The following EMC1 variants were observed in gnomAD, a reference collection of about 807,000 sequenced individuals.
EMC1 encodes the protein ER membrane protein complex subunit 1.
In EMC1, 103 loss-of-function variants were observed where a neutral mutation model predicts 128.8. The observed-to-expected ratio is 0.80, with a 90% confidence interval of 0.68 to 0.94. EMC1 has a LOEUF of 0.94. EMC1 is among the 40% of genes least tolerant of loss of function. The pLI is 0.00. For missense variants in EMC1, 1,083 were observed against 1,250.6 expected (o/e 0.87, Z 2.02); for synonymous variants, 442 against 490.4 (o/e 0.90, Z 1.30).
At chr1:19,236,738 C>A (rs1166588486) in intron 12 of EMC1, among the ~76,000 whole-genome samples, 1 of 151,096 alleles carries the variant, frequency 6.6e-6, no homozygotes, top group Admixed American at 6.6e-5. Flanking sequence ...GAGGCCGAGG[C>A]AGGCGGATCA....
Position 19,232,718 on chromosome 1 carries a change from T to C in EMC1, c.1688A>G (p.Asn563Ser), listed in dbSNP as rs2093533035. Reference sequence around the variant, plus strand: ...TTTAAAGGAGGAGTCTGGCTTGACATTGGGTAGATACTGTTTCCACAGGAT... The same window carrying C: ...TTTAAAGGAGGAGTCTGGCTTGACACTGGGTAGATACTGTTTCCACAGGAT... Reference protein sequence around the residue: ...GTILWKQYLPNVKPDSSFKLM... With the variant: ...GTILWKQYLPSVKPDSSFKLM... The change falls in exon 15 of 23, where the codon AAT becomes AGT. Residue 563 changes from asparagine to serine, a missense_variant. Asn to Ser is a conservative substitution (Grantham distance 46). Coordinates refer to ENST00000477853, the MANE Select transcript of EMC1 (RefSeq NM_015047.3). 2 of 1,614,050 alleles carry C rather than the reference T, an allele frequency of 1.2e-6. No individual in the cohort carries two copies. The highest frequency in any genetic ancestry group is 1.6e-4 in the Middle Eastern group (1 of 6,062).
intron 21 of EMC1, 125 bp downstream of exon 21, chr1:19,220,639 G>T (rs748553051): frequency 1.6e-4 from 101 of 643,652 alleles, no homozygotes; most frequent in Admixed American, 5.0e-4. Flanking sequence ...TTTCAGACTT[G>T]CCCCCTGCTA....
rs925484857 is a variant in EMC1, at chr1:19,223,393, TA to T, written c.2376+2del. 15 of 1,613,072 alleles carry T rather than the reference TA, an allele frequency of 9.3e-6. No homozygotes were observed. The highest frequency in any genetic ancestry group is 1.3e-5 in the Non-Finnish European group (15 of 1,179,126). ...CCTTGGGTCCCTGGTAGTGACCGCT[TA>T]CCACCACCCAGTTCTCTGAATGCAC... On this transcript the variant is annotated splice_donor_variant, in intron 19 of 22. Transcript: ENST00000477853. LOFTEE classifies it high-confidence loss of function.
Position 19,222,813 on chromosome 1 carries a change from C to A in EMC1, c.2398G>T (p.Ala800Ser), listed in dbSNP as rs1373498280. ...AGTACGGTAAACTCGTTGCGCCGAGCCTTGGTGTTCCAGTACTGGTACTGC... is the reference window on the plus strand; with the variant it reads ...AGTACGGTAAACTCGTTGCGCCGAGACTTGGTGTTCCAGTACTGGTACTGC... ...WVVYQYWNTK[A>S]RRNEFTVLEL... The change falls in exon 20 of 23, where the codon GCT (alanine) becomes TCT (serine). Residue 800 changes from alanine (A) to serine (S), a missense_variant. Around this residue, in one of 3 missense-constraint regions of EMC1, gnomAD observed 527 missense variants for 644.1 expected, o/e 0.82. Transcript: ENST00000477853. The A allele has an allele frequency of 6.2e-7, 1 of 1,611,682 alleles. No homozygotes were observed. The highest frequency in any genetic ancestry group is 2.2e-5 in the East Asian group (1 of 44,818).
At chr1:19,242,796 G>A (rs577871500) in intron 4 of EMC1, among the ~76,000 whole-genome samples, 44 of 152,290 alleles carry the variant, frequency 2.9e-4, no homozygotes, top group Admixed American at 1.7e-3. Context: ...TGTGCTACCT[G>A]CCTGCCTCCC....
In EMC1 at chr1:19,234,729, C is replaced by G. The variant is rs147685467; in HGVS notation, c.1432+401G>C. ...GGCATGGTGGCGCATGCCTGTAATC[C>G]CAGCTACTCAGGAGGCTGAGGCAGG... is the stretch of plus-strand genomic sequence containing the variant. On this transcript the variant is annotated intron_variant, in intron 13 of 22. Transcript: ENST00000477853. Among the ~76,000 whole-genome samples the G allele has an allele frequency of 2.6e-5, 4 of 152,162 alleles. No homozygotes were observed. In the East Asian group the frequency reaches 7.7e-4, roughly 29 times the overall value.
At chr1:19,246,600 T>C (rs1039619738) in intron 1 of EMC1, among the ~76,000 whole-genome samples, 9 of 151,774 alleles carry the variant, frequency 5.9e-5, no homozygotes, top group Admixed American at 5.9e-4. Flanking sequence ...CTGGCCAACA[T>C]GGTAAAACTC....
intron 17 of EMC1, among the ~76,000 whole-genome samples, chr1:19,229,054 T>A (rs1251491587): frequency 2.0e-5 from 3 of 151,736 alleles, no homozygotes; most frequent in African/African-American, 7.3e-5. Context: ...TAAAAAAAAA[T>A]AAATAAAGTA....
chr1:19,241,608 G>A (rs1000950226), intron 5 of EMC1, among the ~76,000 whole-genome samples: 4 of 151,996 alleles, frequency 2.6e-5, no homozygotes, highest in Admixed American at 6.6e-5. Flanking sequence ...TCTACCTCCC[G>A]AGGCTCAGGT....
intron 18 of EMC1, among the ~76,000 whole-genome samples, chr1:19,226,100 A>G (rs146639191): frequency 6.6e-6 from 1 of 152,150 alleles, no homozygotes; most frequent in Non-Finnish European, 1.5e-5. Context: ...CGTGATCTCT[A>G]TTCTATGACA....
chr1:19,226,591 G>A (rs2093475437), intron 18 of EMC1, among the ~76,000 whole-genome samples: 1 of 152,058 alleles, frequency 6.6e-6, no homozygotes, highest in Non-Finnish European at 1.5e-5. Context: ...GTCTCACTCT[G>A]TCACCCAGGC....
rs376686021 is a variant in EMC1, at chr1:19,238,827, T to C, written c.1057A>G (p.Met353Val). 6 of 1,612,010 alleles carry C rather than the reference T, an allele frequency of 3.7e-6. No individual in the cohort carries two copies. Among genetic ancestry groups the C allele is most frequent in the Non-Finnish European group, 4.2e-6 (5 of 1,178,166 alleles). Residue 353 changes from methionine (M) to valine (V), a missense_variant, in exon 10 of 23, where the codon ATG (methionine) becomes GTG (valine). Around this residue, in one of 3 missense-constraint regions of EMC1, gnomAD observed 544 missense variants for 572.4 expected, o/e 0.95. Transcript: ENST00000477853. ...QKSSSSEDGS[M>V]GSFSEKSSSK... is the part of the protein sequence containing the mutation. The stretch of plus-strand genomic sequence containing the variant: ...CTAGACTTCTCCGAAAAGCTCCCCA[T>C]TGACCCATCTTCAGAACTGCTACTT...
chr1:19,221,706 T>C (rs1238981679), intron 20 of EMC1: 2 of 151,374 alleles, frequency 1.3e-5, no homozygotes. Flanking sequence ...ACATCTTCGG[T>C]AAAATCAACT....
In EMC1 at chr1:19,235,207, A is replaced by G. The variant is rs2151952199; in HGVS notation, c.1355T>C (p.Val452Ala). 3 of 1,613,782 alleles carry G rather than the reference A, an allele frequency of 1.9e-6. No individual in the cohort carries two copies. The highest frequency in any genetic ancestry group is 2.5e-6 in the Non-Finnish European group (3 of 1,179,834). The change falls in exon 13 of 23, where the codon GTG becomes GCG. Residue 452 changes from valine to alanine, a missense_variant. This residue lies in a region of EMC1 where 544 missense variants were observed against 572.4 expected (regional missense o/e 0.95). Coordinates refer to ENST00000477853, the MANE Select transcript of EMC1 (RefSeq NM_015047.3). ...GAGGTCCACCATCTCTAGGCACACC[A>G]CTTCTGCCAGGGACTCCTCACGGCT... ...LWSREESLAE[V>A]VCLEMVDLPL...
rs1375607890 is a variant in EMC1 at position 19,223,411 on chromosome 1, T to C, written c.2361A>G (p.Ser787=). The C allele has an allele frequency of 1.2e-6, 2 of 1,614,120 alleles. No homozygotes were observed. Among genetic ancestry groups the C allele is most frequent in the Admixed American group, 1.7e-5 (1 of 60,000 alleles). ...KAKGPVHIVH[S]ENWVVYQYWN... is the part of the protein sequence containing the mutation. The stretch of plus-strand genomic sequence containing the variant: ...GACCGCTTACCACCACCCAGTTCTC[T>C]GAATGCACGATATGGACAGGGCCTT... Residue 787 remains serine, a synonymous_variant, in exon 19 of 23, where the codon TCA becomes TCG. Transcript: ENST00000477853.
intron 12 of EMC1, among the ~76,000 whole-genome samples, 175 bp downstream of exon 12, chr1:19,236,967 C>CAAAAAAAAA (rs35897979): frequency 1.7e-5 from 1 of 58,360 alleles, no homozygotes; most frequent in Non-Finnish European, 3.2e-5. Flanking sequence ...GACTCTATCT[C>CAAAAAAAAA]AAAAAAAAAA....
intron 18 of EMC1, among the ~76,000 whole-genome samples, chr1:19,224,988 C>T (rs750478021): frequency 6.6e-6 from 1 of 152,230 alleles, no homozygotes; most frequent in Non-Finnish European, 1.5e-5. Context: ...TCTCACTAAG[C>T]CCCTCCTTAG....
chr1:19,232,879 G>A, intron 14 of EMC1, 57 bp downstream of exon 14: 1 of 1,604,214 alleles, frequency 6.2e-7, no homozygotes, highest in Non-Finnish European at 8.5e-7. Context: ...AAGGCTTTTT[G>A]TTCCTCACCC....
At position 19,243,654 on chromosome 1, in the gene EMC1, T is replaced by C. The variant is rs952391056; in HGVS notation, c.340A>G (p.Ile114Val). The C allele has an allele frequency of 1.1e-5, 17 of 1,614,042 alleles. No individual in the cohort carries two copies. The highest frequency in any genetic ancestry group is 1.4e-5 in the Non-Finnish European group (16 of 1,180,028). ...GTTATCTCCCAGTTCAGGCCCCCGA[T>C]GTTAGTCTCCCAGGAACGCATGATT... ...GRIMRSWETN[I>V]GGLNWEITLD... The change falls in exon 4 of 23, where the codon ATC becomes GTC. Residue 114 changes from isoleucine (I) to valine (V), a missense_variant. Ile to Val is a conservative substitution (Grantham distance 29, BLOSUM62 3). This residue lies in a region of EMC1 where 544 missense variants were observed against 572.4 expected (regional missense o/e 0.95). Coordinates refer to ENST00000477853, the MANE Select transcript of EMC1 (RefSeq NM_015047.3).
Sources: gnomAD v4.1 joint callset for allele counts (sites outside exome capture counted in the v4.1 genomes callset) on GRCh38, gnomAD v4.1.1 for gene constraint, gnomAD v4.1.1 regional missense constraint, MANE v1.5 for transcripts, NCBI Gene and HGNC (gene_info 2026-07-23, HGNC 2026-07-21) for gene names.